The following SEMA4D variants were observed in gnomAD, a reference collection of about 807,000 sequenced individuals.
SEMA4D encodes semaphorin-4D.
Under a neutral mutation model 74.8 loss-of-function variants are expected in SEMA4D, and 22 were observed. That is an observed-to-expected ratio of 0.29 (90% CI 0.21 to 0.42). The LOEUF (loss-of-function observed/expected upper bound fraction) is 0.42. Among genes scored for constraint, SEMA4D ranks in the 10% least tolerant of loss-of-function variants. The pLI, the probability that SEMA4D is intolerant of heterozygous loss-of-function variation, is 1.00. For synonymous variants in SEMA4D, 445 were observed against 463.7 expected (o/e 0.96, Z 0.52); for missense variants, 937 against 1,118.4 (o/e 0.84, Z 2.31).
In SEMA4D at chr9:89,388,710, T is replaced by C. The variant is rs775580668; in HGVS notation, c.1033A>G (p.Ser345Gly). 8.7e-6 allele frequency: 14 copies of C among 1,610,308 alleles called. No individual in the cohort carries two copies. Among genetic ancestry groups the C allele is most frequent in the Non-Finnish European group, 1.2e-5 (14 of 1,179,290 alleles). ...EVFSHGKYMQSTTVEQSHTKW... is the reference protein window; with the variant it reads ...EVFSHGKYMQGTTVEQSHTKW... ...GTGTGGGACTGCTCCACTGTGGTGC[T>C]CTGCATGTACTTCCCGTGGGAGAAG... Residue 345 changes from serine (S) to glycine (G), a missense_variant, in exon 11 of 16, where the codon AGC becomes GGC. Ser to Gly is a moderately conservative substitution (Grantham distance 56, BLOSUM62 0). Transcript: ENST00000422704.
At chr9:89,439,836 C>G (rs1421413999) in intron 2 of SEMA4D, among the ~76,000 whole-genome samples, 1 of 152,194 alleles carries the variant, frequency 6.6e-6, no homozygotes, top group Non-Finnish European at 1.5e-5. Context: ...GCCCCCACTT[C>G]ACGAATTTTA....
At chr9:89,370,885 C>A (rs1379739842) in intron 16 of SEMA4D, among the ~76,000 whole-genome samples, 1 of 101,416 alleles carries the variant, frequency 9.9e-6, no homozygotes, top group Non-Finnish European at 1.9e-5. Flanking sequence ...GGGTGTGTGT[C>A]TGGGATGTGT....
In SEMA4D at chr9:89,442,683, G is replaced by A. The variant is rs552633955; in HGVS notation, c.-244+13205C>T. On this transcript the variant is annotated intron_variant, in intron 2 of 15. Transcript: ENST00000422704. ...GCAAAGAATCAGACCCACTCACCCT[G>A]AGCTGTCAGGATACATGCAAGGGGA... Among the ~76,000 whole-genome samples, 15 of 152,274 alleles carry A rather than the reference G, an allele frequency of 9.9e-5. No individual in the cohort carries two copies. In the East Asian group the frequency reaches 2.7e-3, roughly 27 times the overall value.
At chr9:89,453,318 T>G (rs1419075679) in intron 2 of SEMA4D, among the ~76,000 whole-genome samples, 1 of 152,246 alleles carries the variant, frequency 6.6e-6, no homozygotes, top group African/African-American at 2.4e-5. Context: ...AGGAATTCAC[T>G]TTCTGCACTC....
At chr9:89,455,041 G>T (rs969916695) in intron 2 of SEMA4D, among the ~76,000 whole-genome samples, 1 of 152,278 alleles carries the variant, frequency 6.6e-6, no homozygotes, top group Non-Finnish European at 1.5e-5. Context: ...ACAGTTGGGA[G>T]GGGGTGGGGA....
intron 1 of SEMA4D, among the ~76,000 whole-genome samples, chr9:89,456,161 G>A (rs759352209): frequency 5.3e-5 from 8 of 152,220 alleles, no homozygotes; most frequent in Non-Finnish European, 1.0e-4. Context: ...TAACAGACAA[G>A]GATTATCAAG....
At chr9:89,385,722 C>T (rs867873468) in intron 13 of SEMA4D, 4 of 455,074 alleles carry the variant, frequency 8.8e-6, no homozygotes, top group African/African-American at 6.4e-5. Flanking sequence ...GTATCTTACC[C>T]GGCCAGACAG....
At chr9:89,375,535 C>T (rs140399843), downstream of SEMA4D, among the ~76,000 whole-genome samples, 259 of 152,358 alleles carry the variant, frequency 1.7e-3, no homozygotes, top group Non-Finnish European at 2.5e-3. Context: ...CACCTTAAAA[C>T]TCTCAGGAGC....
exon 17 of SEMA4D, chr9:89,363,818 C>A: frequency 1.2e-6 from 2 of 1,614,150 alleles, no homozygotes; most frequent in African/African-American, 1.3e-5. Flanking sequence ...ATACTCAGCG[C>A]TTTCCCTGAT....
chr9:89,444,226 C>T (rs1852306687), intron 2 of SEMA4D, among the ~76,000 whole-genome samples: 1 of 152,206 alleles, frequency 6.6e-6, no homozygotes, highest in Non-Finnish European at 1.5e-5. Context: ...TCCCCACCTC[C>T]ATGGCCTCCT....
At chr9:89,479,856 T>G (rs1215552053) in intron 1 of SEMA4D, 1 of 153,328 alleles carries the variant, frequency 6.5e-6, no homozygotes, top group East Asian at 1.9e-4. Flanking sequence ...AGAACAAAGC[T>G]TCCACAGTGT....
downstream of SEMA4D, chr9:89,376,700 G>T: frequency 7.6e-7 from 1 of 1,317,148 alleles, no homozygotes; most frequent in Admixed American, 2.8e-5. Context: ...GGCTCAACCC[G>T]AGGGACGCAG....
intron 2 of SEMA4D, among the ~76,000 whole-genome samples, chr9:89,448,863 T>G (rs1282247833): frequency 6.6e-6 from 1 of 152,154 alleles, no homozygotes; most frequent in Non-Finnish European, 1.5e-5. Context: ...AGCCCCTCAG[T>G]GGGACCCCAG....
chr9:89,489,765 T>C (rs1825480738), intron 1 of SEMA4D, among the ~76,000 whole-genome samples: 1 of 152,226 alleles, frequency 6.6e-6, no homozygotes, highest in Non-Finnish European at 1.5e-5. Flanking sequence ...GCTGGACATC[T>C]GGGTTTCCGT....
chr9:89,387,184 C>A, intron 12 of SEMA4D: 1 of 564,308 alleles, frequency 1.8e-6, no homozygotes. Context: ...CAAGTACCTC[C>A]AGTAGCCTGG....
At chr9:89,459,700 T>C (rs1856786874) in intron 1 of SEMA4D, among the ~76,000 whole-genome samples, 1 of 152,184 alleles carries the variant, frequency 6.6e-6, no homozygotes, top group African/African-American at 2.4e-5. Flanking sequence ...CCCCTGTGTG[T>C]GGCAGGCACC....
At chr9:89,464,153 G>C (rs1858062024) in intron 1 of SEMA4D, among the ~76,000 whole-genome samples, 1 of 152,112 alleles carries the variant, frequency 6.6e-6, no homozygotes, top group Non-Finnish European at 1.5e-5. Flanking sequence ...AAACCGCACT[G>C]TGAGCCTGTT....
chr9:89,450,191 G>C (rs1564830713), intron 2 of SEMA4D: 5 of 1,288,070 alleles, frequency 3.9e-6, no homozygotes, highest in Non-Finnish European at 5.6e-6. Flanking sequence ...AGCAGAAGAA[G>C]GACCATGAAA....
intron 1 of SEMA4D, among the ~76,000 whole-genome samples, chr9:89,469,364 A>C (rs74602712): frequency 6.6e-6 from 1 of 152,230 alleles, no homozygotes; most frequent in East Asian, 1.9e-4. Flanking sequence ...TTCCAGTAAA[A>C]CTAACAATTA....
Sources: allele counts gnomAD v4.1 joint callset (sites outside exome capture counted in the v4.1 genomes callset), GRCh38; gene constraint gnomAD v4.1.1; transcripts MANE v1.5; gene names NCBI Gene and HGNC (gene_info 2026-07-23, HGNC 2026-07-21).